The following ZNF385D variants were observed in gnomAD, a reference collection of about 807,000 sequenced individuals.
ZNF385D encodes the protein zinc finger protein 659.
Under a neutral mutation model 35.8 loss-of-function variants are expected in ZNF385D, and 15 were observed. The observed-to-expected ratio is 0.42, with a 90% CI of 0.28 to 0.64. The LOEUF (loss-of-function observed/expected upper bound fraction) is 0.64, where lower values mean the gene tolerates loss of function less well. Ranked by LOEUF, ZNF385D falls within the 30% of genes least tolerant of loss-of-function variation. The pLI is 0.23. For missense variants in ZNF385D, 474 were observed against 494.6 expected (o/e 0.96, Z 0.39); for synonymous variants, 212 against 186.8 (o/e 1.13, Z -1.10).
intron 2 of ZNF385D, among the ~76,000 whole-genome samples, chr3:22,366,108 G>A (rs190433262): frequency 5.9e-5 from 9 of 152,082 alleles, no homozygotes; most frequent in Non-Finnish European, 2.9e-5. Context: ...CAATCAATCA[G>A]AGGAAGCAGA....
chr3:21,973,332 C>G (rs1703386370), intron 3 of ZNF385D, among the ~76,000 whole-genome samples: 1 of 151,876 alleles, frequency 6.6e-6, no homozygotes, highest in Non-Finnish European at 1.5e-5. Flanking sequence ...GATAATTTCA[C>G]TTGATGGTAA....
At chr3:21,768,417 C>T (rs76090130) in intron 3 of ZNF385D, among the ~76,000 whole-genome samples, 6 of 151,958 alleles carry the variant, frequency 3.9e-5, no homozygotes, top group African/African-American at 1.4e-4. Context: ...ACCTAGACAA[C>T]AATCACACTA....
At chr3:21,906,316 A>C (rs1699682485) in intron 3 of ZNF385D, among the ~76,000 whole-genome samples, 1 of 152,224 alleles carries the variant, frequency 6.6e-6, no homozygotes, top group Non-Finnish European at 1.5e-5. Context: ...AGATGAACAT[A>C]GAAAGACGCA....
intron 3 of ZNF385D, among the ~76,000 whole-genome samples, chr3:21,548,165 C>T (rs1233339537): frequency 6.6e-6 from 1 of 152,124 alleles, no homozygotes; most frequent in Non-Finnish European, 1.5e-5. Context: ...CCCTTTACGC[C>T]ATTTGGGAGC....
chr3:22,359,663 G>C (rs999210900), intron 2 of ZNF385D, among the ~76,000 whole-genome samples: 4 of 151,824 alleles, frequency 2.6e-5, no homozygotes, highest in African/African-American at 9.7e-5. Context: ...TTGAGAGACA[G>C]TCATGTCAAG....
At chr3:21,800,538 T>C (rs1047271262) in intron 3 of ZNF385D, among the ~76,000 whole-genome samples, 1 of 152,338 alleles carries the variant, frequency 6.6e-6, no homozygotes, top group African/African-American at 2.4e-5. Flanking sequence ...CTACGGAGGC[T>C]AAGGCAGGAG....
intron 1 of ZNF385D, among the ~76,000 whole-genome samples, chr3:21,692,344 C>G (rs1266661056): frequency 6.6e-6 from 1 of 152,142 alleles, no homozygotes; most frequent in East Asian, 1.9e-4. Context: ...CTCACACACT[C>G]CCACTTTGCT....
At chr3:22,169,710 T>C (rs184562261) in intron 2 of ZNF385D, among the ~76,000 whole-genome samples, 95 of 152,304 alleles carry the variant, frequency 6.2e-4, no homozygotes, top group African/African-American at 2.1e-3. Context: ...TGGAAAGCAT[T>C]ACTTCTGGAT....
Position 21,425,476 on chromosome 3 carries a change from A to G in ZNF385D, c.852+16T>C, listed in dbSNP as rs1215979851. 2 of 1,568,660 alleles carry G rather than the reference A, an allele frequency of 1.3e-6. No individual in the cohort carries two copies. The highest frequency in any genetic ancestry group is 2.4e-5 in the South Asian group (2 of 84,564). ...GTCCCTTGTTGGTTTTCATTCCTAG[A>G]ATACGTGCTGTTTACCTGTTTAAGT... On this transcript the variant is annotated intron_variant, in intron 6 of 7. Coordinates refer to ENST00000281523, the MANE Select transcript of ZNF385D (RefSeq NM_024697.3).
At chr3:21,893,778 C>A (rs1176755367) in intron 3 of ZNF385D, among the ~76,000 whole-genome samples, 1 of 152,172 alleles carries the variant, frequency 6.6e-6, no homozygotes, top group African/African-American at 2.4e-5. Flanking sequence ...AAGAGATATT[C>A]CACATTTTAT....
rs544999914 is a variant in ZNF385D, at chr3:22,360,135, T to C, written c.106+12315A>G. 9.9e-5 allele frequency among the ~76,000 whole-genome samples: 15 copies of C among 152,128 alleles called. No individual in the cohort carries two copies. The East Asian group carries it at 2.1e-3, about 22-fold the overall frequency. On this transcript the variant is annotated intron_variant, in intron 2 of 5. Transcript: ENST00000494108. Reference sequence around the variant, plus strand: ...GTTTTCTTGGAAAGTATTCACAGTTTAATTCTTACAACTTGTCTCATTTTC... The same window carrying C: ...GTTTTCTTGGAAAGTATTCACAGTTCAATTCTTACAACTTGTCTCATTTTC...
chr3:21,744,340 CA>C (rs2125534446), intron 1 of ZNF385D, among the ~76,000 whole-genome samples: 1 of 152,292 alleles, frequency 6.6e-6, no homozygotes, highest in African/African-American at 2.4e-5. Flanking sequence ...ATCCTCAGAG[CA>C]ATCTGCTACA....
At chr3:22,075,824 C>G (rs1363520082) in intron 3 of ZNF385D, among the ~76,000 whole-genome samples, 1 of 151,888 alleles carries the variant, frequency 6.6e-6, no homozygotes, top group East Asian at 1.9e-4. Flanking sequence ...AGGAACATTT[C>G]TATCTTCAAA....
intron 1 of ZNF385D, among the ~76,000 whole-genome samples, chr3:21,729,325 G>A (rs1366174000): frequency 2.6e-5 from 4 of 152,120 alleles, no homozygotes; most frequent in Non-Finnish European, 5.9e-5. Flanking sequence ...ATATTGATTT[G>A]CTAGTCTTTG....
At chr3:21,890,371 C>G (rs1451538739) in intron 3 of ZNF385D, among the ~76,000 whole-genome samples, 1 of 152,132 alleles carries the variant, frequency 6.6e-6, no homozygotes, top group Non-Finnish European at 1.5e-5. Flanking sequence ...GTAATCCCAG[C>G]ACTTTGGGAG....
chr3:22,140,196 GAATA>G lies in ZNF385D; in HGVS notation c.325+28617_325+28620del, dbSNP rs1444280697. On this transcript the variant is annotated intron_variant, in intron 3 of 5. Coordinates refer to the ZNF385D transcript ENST00000494108. ...TTCAAAAGTCTTTCAACTAGTGAAT[GAATA>G]AACAAACTGTAGTACATCATCTATA... 4.1e-4 allele frequency among the ~76,000 whole-genome samples: 62 copies of G among 152,088 alleles called. 1 individual carries two copies. The highest frequency in any genetic ancestry group is 3.8e-3 in the Admixed American group (58 of 15,272).
At chr3:21,559,093 A>C (rs1487922592) in intron 3 of ZNF385D, among the ~76,000 whole-genome samples, 1 of 151,158 alleles carries the variant, frequency 6.6e-6, no homozygotes, top group Non-Finnish European at 1.5e-5. Context: ...TGAATACAGC[A>C]CACTGATGGT....
At chr3:22,143,216 G>A (rs1274613035) in intron 3 of ZNF385D, among the ~76,000 whole-genome samples, 1 of 151,792 alleles carries the variant, frequency 6.6e-6, no homozygotes, top group Admixed American at 6.6e-5. Context: ...CGGAGTAGCA[G>A]CGACTACAGG....
At chr3:22,037,464 G>A (rs1698401173) in intron 3 of ZNF385D, among the ~76,000 whole-genome samples, 1 of 152,108 alleles carries the variant, frequency 6.6e-6, no homozygotes, top group Admixed American at 6.6e-5. Context: ...GATGGCCAGT[G>A]ATGATGAGCA....
Sources: allele counts gnomAD v4.1 joint callset (sites outside exome capture counted in the v4.1 genomes callset), GRCh38; gene constraint gnomAD v4.1.1; transcripts MANE v1.5; gene names NCBI Gene and HGNC (gene_info 2026-07-23, HGNC 2026-07-21).